ANKMY2: variants seen among roughly 807,000 people sequenced by gnomAD.
The protein encoded by ANKMY2 is ankyrin repeat and MYND domain containing 2, also known as ankyrin repeat and MYND domain-containing protein 2.
ANKMY2 carries 36 observed loss-of-function variants against 50.4 expected under a neutral mutation model. That is an observed-to-expected ratio of 0.71 (90% CI 0.55 to 0.94). The LOEUF (loss-of-function observed/expected upper bound fraction) is 0.94. ANKMY2 is among the 40% of genes least tolerant of loss of function. The pLI, the probability that ANKMY2 is intolerant of heterozygous loss-of-function variation, is 0.00. For synonymous variants in ANKMY2, 187 were observed against 178.8 expected, an observed-to-expected ratio of 1.05 and a Z score of -0.36; for missense variants, 565 against 524.0, an observed-to-expected ratio of 1.08 and a Z score of -0.76.
At chr7:16,617,655 A>G (rs1397093000) in intron 4 of ANKMY2, among the ~76,000 whole-genome samples, 2 of 152,202 alleles carry the variant, frequency 1.3e-5, no homozygotes, top group Non-Finnish European at 2.9e-5. Flanking sequence ...GTTACTATTG[A>G]GAACTAAACT....
chr7:16,645,464 C>A, intron 1 of ANKMY2, 43 bp downstream of exon 1: 2 of 1,572,038 alleles, frequency 1.3e-6, no homozygotes, highest in Non-Finnish European at 1.7e-6. Flanking sequence ...CCACGCCCCC[C>A]GGCCAGGCTG....
intron 7 of ANKMY2, among the ~76,000 whole-genome samples, chr7:16,606,053 G>T (rs892631157): frequency 6.6e-6 from 1 of 152,104 alleles, no homozygotes; most frequent in Non-Finnish European, 1.5e-5. Context: ...TCCTGACCTC[G>T]TGGTTCGCCC....
intron 8 of ANKMY2, 109 bp downstream of exon 8, chr7:16,604,612 G>T (rs1260421211): frequency 1.4e-6 from 2 of 1,402,762 alleles, no homozygotes; most frequent in Non-Finnish European, 1.9e-6. Context: ...TTCGTTACTA[G>T]AATTTATTAG....
chr7:16,639,775 C>G (rs1781721123), intron 1 of ANKMY2, among the ~76,000 whole-genome samples: 1 of 152,112 alleles, frequency 6.6e-6, no homozygotes, highest in African/African-American at 2.4e-5. Context: ...AAGTGAGACC[C>G]TGTCTCAAAA....
chr7:16,645,743 G>A lies in ANKMY2; in HGVS notation c.-170C>T, dbSNP rs1027520149. On this transcript the variant is annotated 5_prime_UTR_variant, in exon 1 of 10. Transcript: ENST00000306999. Reference sequence around the variant, plus strand: ...CCTCCCTCCCGCGGGCTGGCGGACAGCGGGCGAGCTCGGGCGAGCCAGGCG... The same window carrying A: ...CCTCCCTCCCGCGGGCTGGCGGACAACGGGCGAGCTCGGGCGAGCCAGGCG... 1.9e-4 allele frequency: 135 copies of A among 725,262 alleles called. No homozygotes were observed. The African/African-American group carries it at 2.5e-3, about 13-fold the overall frequency. The allele number at this position is 725,262 out of a possible 1,614,324, so 44.9% of individuals were successfully genotyped here.
intron 1 of ANKMY2, among the ~76,000 whole-genome samples, chr7:16,641,247 C>G (rs115094069): frequency 1.1e-4 from 16 of 151,886 alleles, no homozygotes; most frequent in Non-Finnish European, 2.4e-4. Context: ...CACAGACACA[C>G]ACACACACAC....
At chr7:16,637,557 T>C (rs942053289) in intron 1 of ANKMY2, among the ~76,000 whole-genome samples, 11 of 152,170 alleles carry the variant, frequency 7.2e-5, no homozygotes, top group African/African-American at 2.4e-4. Context: ...TTTTTATAAA[T>C]AATGCATTTT....
intron 9 of ANKMY2, 51 bp from the exon 10 acceptor site, chr7:16,600,996 C>G: frequency 1.4e-6 from 2 of 1,388,606 alleles, no homozygotes; most frequent in Non-Finnish European, 9.8e-7. Context: ...GTCAGACACT[C>G]TTCTCAATGC....
At chr7:16,615,098 G>A (rs1285739271) in intron 5 of ANKMY2, among the ~76,000 whole-genome samples, 1 of 152,180 alleles carries the variant, frequency 6.6e-6, no homozygotes, top group Admixed American at 6.5e-5. Context: ...GTTGGCCTAT[G>A]AAATTTGAAA....
At chr7:16,625,117 A>C (rs1781491687) in intron 3 of ANKMY2, 36 bp from the exon 4 acceptor site, 1 of 1,525,714 alleles carries the variant, frequency 6.6e-7, no homozygotes, top group Non-Finnish European at 9.1e-7. Context: ...GTTAATGTTA[A>C]GGAGGACACA....
chr7:16,610,927 G>T (rs986839594), intron 5 of ANKMY2, among the ~76,000 whole-genome samples, 164 bp from the exon 6 acceptor site: 4 of 152,156 alleles, frequency 2.6e-5, no homozygotes, highest in Non-Finnish European at 5.9e-5. Context: ...AGAACTTATA[G>T]AACTAATATA....
intron 4 of ANKMY2, among the ~76,000 whole-genome samples, chr7:16,618,219 C>T (rs1234516598): frequency 6.6e-6 from 1 of 152,118 alleles, no homozygotes; most frequent in Non-Finnish European, 1.5e-5. Flanking sequence ...AGCCACCATG[C>T]CCAGCCAAAG....
At chr7:16,644,691 G>A (rs542504936) in intron 1 of ANKMY2, 1 of 471,192 alleles carries the variant, frequency 2.1e-6, no homozygotes, top group African/African-American at 2.0e-5. Context: ...TCACCTGCCA[G>A]GTAACGGGAC....
chr7:16,642,250 T>C (rs1181803998), intron 1 of ANKMY2, among the ~76,000 whole-genome samples: 1 of 152,220 alleles, frequency 6.6e-6, no homozygotes, highest in Non-Finnish European at 1.5e-5. Context: ...ATTTATTTCA[T>C]AATAGTGCTT....
At chr7:16,634,945 T>C (rs560840796) in intron 2 of ANKMY2, among the ~76,000 whole-genome samples, 4 of 152,014 alleles carry the variant, frequency 2.6e-5, no homozygotes, top group Non-Finnish European at 5.9e-5. Flanking sequence ...TGACAATGTC[T>C]AGCACCCAAT....
intron 1 of ANKMY2, among the ~76,000 whole-genome samples, chr7:16,640,208 C>G (rs879721960): frequency 6.6e-6 from 1 of 151,950 alleles, no homozygotes; most frequent in Non-Finnish European, 1.5e-5. Flanking sequence ...AATAAAAAGA[C>G]CTGTAAAACT....
intron 4 of ANKMY2, among the ~76,000 whole-genome samples, chr7:16,622,697 G>A (rs919817900): frequency 2.0e-5 from 3 of 151,768 alleles, no homozygotes; most frequent in African/African-American, 7.3e-5. Flanking sequence ...CTGAGGTTGG[G>A]CCACTGCACT....
In ANKMY2 at chr7:16,600,484, T is replaced by A. The variant is rs191793568; in HGVS notation, c.*277A>T. 8.5e-5 allele frequency: 22 copies of A among 259,990 alleles called. No individual in the cohort carries two copies. The highest frequency in any genetic ancestry group is 4.6e-4 in the African/African-American group (21 of 45,514). 16.1% of individuals were successfully genotyped at this position (259,990 alleles called of 1,614,324 possible). ...GGGGATCTATTTTCCTTTGAAACAA[T>A]TGCTGGAAAGCCAGCCTCAGAAAGG... On this transcript the variant is annotated 3_prime_UTR_variant, in exon 10 of 10. Transcript: ENST00000306999.
At position 16,622,727 on chromosome 7, in the gene ANKMY2, G is replaced by A. The variant is rs187868409; in HGVS notation, c.370+2256C>T. Among the ~76,000 whole-genome samples, 9 of 151,116 alleles carry A rather than the reference G, an allele frequency of 6.0e-5. No homozygotes were observed. In the East Asian group the frequency reaches 1.2e-3, roughly 20 times the overall value. ...TGCACTCCAGCCTGGGCGACAGGGC[G>A]AGACTCCATCTCAAAAATAAATGAA... On this transcript the variant is annotated intron_variant, in intron 4 of 9. Transcript: ENST00000306999.
Sources: gnomAD v4.1 joint callset for allele counts (sites outside exome capture counted in the v4.1 genomes callset) on GRCh38, gnomAD v4.1.1 for gene constraint, MANE v1.5 for transcripts, NCBI Gene and HGNC (gene_info 2026-07-23, HGNC 2026-07-21) for gene names.